The following C6orf163 variants were observed in gnomAD, a reference collection of about 807,000 sequenced individuals.
The protein encoded by C6orf163 is chromosome 6 open reading frame 163, also known as uncharacterized protein C6orf163.
A neutral mutation model predicts 28.4 loss-of-function variants in C6orf163; 22 were observed. The ratio of observed to expected loss-of-function variants is 0.78; its 90% CI spans 0.55 to 1.11. C6orf163 has a LOEUF of 1.11. Ranked by LOEUF, C6orf163 falls within the 50% of genes least tolerant of loss-of-function variation. C6orf163 has a pLI of 0.00. For missense variants in C6orf163, 342 were observed against 389.1 expected (o/e 0.88, Z 1.02); for synonymous variants, 110 against 123.6 (o/e 0.89, Z 0.73).
chr6:87,351,543 G>A (rs545537015), intron 3 of C6orf163, among the ~76,000 whole-genome samples: 1 of 152,348 alleles, frequency 6.6e-6, no homozygotes, highest in South Asian at 2.1e-4. Flanking sequence ...CTCAGCCAGG[G>A]TTGGTATGGT....
At position 87,364,423 on chromosome 6, in the gene C6orf163, T is replaced by C. The variant is rs915872640; in HGVS notation, c.555-538T>C. ...TGTTAATGTCAATGCCTATAACTCA[T>C]ATAAACAAAAGCTCTTTGGCTTCCT... On this transcript the variant is annotated intron_variant, in intron 4 of 4. Coordinates refer to ENST00000388923, the MANE Select transcript of C6orf163 (RefSeq NM_001010868.3). Among the ~76,000 whole-genome samples, 5 of 152,208 alleles carry C rather than the reference T, an allele frequency of 3.3e-5. No individual in the cohort carries two copies. In the East Asian group the frequency reaches 9.6e-4, roughly 29 times the overall value.
chr6:87,355,606 C>G (rs1289896815), intron 3 of C6orf163, among the ~76,000 whole-genome samples: 1 of 152,088 alleles, frequency 6.6e-6, no homozygotes, highest in Non-Finnish European at 1.5e-5. Context: ...AATACCTGGA[C>G]AGAATGAATT....
At chr6:87,348,626 C>T in intron 1 of C6orf163, 186 bp from the exon 2 acceptor site, 1 of 1,369,028 alleles carries the variant, frequency 7.3e-7, no homozygotes, top group East Asian at 2.8e-5. Flanking sequence ...CCTGACAGTG[C>T]TGTGAATTCC....
intron 2 of C6orf163, among the ~76,000 whole-genome samples, chr6:87,350,080 A>G (rs541486021): frequency 6.6e-5 from 10 of 152,330 alleles, no homozygotes; most frequent in East Asian, 1.9e-4. Context: ...TTGAGAGTCA[A>G]TCAAGCAAGA....
In C6orf163 at chr6:87,364,835, G is replaced by T. The variant is rs566258697; in HGVS notation, c.555-126G>T. 7.2e-4 allele frequency: 495 copies of T among 692,138 alleles called. 1 individual carries two copies. The highest frequency in any genetic ancestry group is 1.1e-3 in the Non-Finnish European group (460 of 418,458). 42.9% of individuals were successfully genotyped at this position (692,138 alleles called of 1,614,324 possible). A position where few individuals can be genotyped will look rare whatever the true frequency, so the allele number is the denominator to read the frequency against. On this transcript the variant is annotated intron_variant, in intron 4 of 4. Coordinates refer to ENST00000388923, the MANE Select transcript of C6orf163 (RefSeq NM_001010868.3). ...GCTAATGCAATCCAAAAGCTCATCCGTATCAGCCTGTCTCAGGCTGGTGGC... is the reference window on the plus strand; with the variant it reads ...GCTAATGCAATCCAAAAGCTCATCCTTATCAGCCTGTCTCAGGCTGGTGGC...
chr6:87,358,357 CAGCA>C (rs1777536315), intron 4 of C6orf163: 1 of 151,900 alleles, frequency 6.6e-6, no homozygotes, highest in Non-Finnish European at 1.5e-5. Context: ...CCTGTAATCC[CAGCA>C]TTTTGGGAGG....
intron 3 of C6orf163, among the ~76,000 whole-genome samples, chr6:87,353,224 C>T (rs1777444493): frequency 6.6e-6 from 1 of 152,120 alleles, no homozygotes; most frequent in African/African-American, 2.4e-5. Flanking sequence ...ACCTACTTCA[C>T]AACCCAGCCA....
chr6:87,361,451 A>G (rs959595170), intron 4 of C6orf163, among the ~76,000 whole-genome samples: 1 of 152,110 alleles, frequency 6.6e-6, no homozygotes, highest in Non-Finnish European at 1.5e-5. Context: ...GCCTGACTCA[A>G]TTCTGGTAGA....
At chr6:87,350,251 A>C in intron 2 of C6orf163, 143 bp from the exon 3 acceptor site, 1 of 618,524 alleles carries the variant, frequency 1.6e-6, no homozygotes, top group East Asian at 2.9e-5. Context: ...TGAGATGGGA[A>C]TGGGGCAAGA....
At chr6:87,348,159 AAAAAG>A (rs1777356469) in intron 1 of C6orf163, 10 of 979,804 alleles carry the variant, frequency 1.0e-5, no homozygotes, top group Non-Finnish European at 1.1e-5. Flanking sequence ...CCTCTCAAAA[AAAAAG>A]AGAAATCCCA....
chr6:87,348,690 A>G (rs868073909), intron 1 of C6orf163, 122 bp from the exon 2 acceptor site: 2 of 1,439,746 alleles, frequency 1.4e-6, no homozygotes, highest in African/African-American at 2.9e-5. Context: ...AAATATATAT[A>G]CTGGCATCTC....
Position 87,356,308 on chromosome 6 carries a change from C to G in C6orf163, c.359C>G (p.Thr120Arg). The G allele has an allele frequency of 6.4e-7, 1 of 1,551,556 alleles. No individual in the cohort carries two copies. Among genetic ancestry groups the G allele is most frequent in the Non-Finnish European group, 8.7e-7 (1 of 1,146,926 alleles). ...GTTTTGCCATTGCTTCAGGAAGTGA[C>G]AGCTAAAACTAAGACAGAGATGTAT... is the stretch of plus-strand genomic sequence containing the variant. ...EEHQKDLQEV[T>R]AKTKTEMYQN... The change falls in exon 4 of 5, where the codon ACA becomes AGA. Residue 120 changes from threonine to arginine, a missense_variant. Physicochemically the swap from Thr to Arg is moderately conservative, Grantham distance 71. Transcript: ENST00000388923.
chr6:87,362,408 C>T lies in C6orf163; in HGVS notation c.555-2553C>T, dbSNP rs900402072. On this transcript the variant is annotated intron_variant, in intron 4 of 4. Coordinates refer to ENST00000388923, the MANE Select transcript of C6orf163 (RefSeq NM_001010868.3). ...AGAAGGATCACTTGAACCTGGGAGGCGGAGGTTGCAGTGAGCCAAGATGGT... is the reference window on the plus strand; with the variant it reads ...AGAAGGATCACTTGAACCTGGGAGGTGGAGGTTGCAGTGAGCCAAGATGGT... 5.3e-5 allele frequency among the ~76,000 whole-genome samples: 8 copies of T among 152,074 alleles called. No homozygotes were observed. The East Asian group carries it at 7.7e-4, about 15-fold the overall frequency.
At chr6:87,350,544 AT>A (rs1354773657) in intron 3 of C6orf163, 43 bp downstream of exon 3, 1 of 1,157,050 alleles carries the variant, frequency 8.6e-7, no homozygotes, top group Non-Finnish European at 1.2e-6. Context: ...AAGTAATTAC[AT>A]TAGTAAAAAG....
chr6:87,351,977 A>G (rs774827107), intron 3 of C6orf163, among the ~76,000 whole-genome samples: 2 of 152,218 alleles, frequency 1.3e-5, no homozygotes, highest in Non-Finnish European at 2.9e-5. Flanking sequence ...TTCAAGGTTC[A>G]CATGCTAGTC....
Position 87,365,064 on chromosome 6 carries a change from C to G in C6orf163, c.658C>G (p.Leu220Val). 6.4e-7 allele frequency: 1 copy of G among 1,551,792 alleles called. No individual in the cohort carries two copies. Among genetic ancestry groups the G allele is most frequent in the East Asian group, 2.4e-5 (1 of 40,912 alleles). ...GGAAAAAGAACATGAAATGAGCATC[C>G]TCTATGGCATAGCTCAGAGGCAGAG... ...MREKEHEMSI[L>V]YGIAQRQRQE... Residue 220 changes from leucine (L) to valine (V), a missense_variant, in exon 5 of 5, where the codon CTC (leucine) becomes GTC (valine). Transcript: ENST00000388923.
chr6:87,345,059 T>G lies in C6orf163; in HGVS notation c.-41T>G, dbSNP rs1777302344. ...AAACGACTTTTTCTGATTCTAAGAT[T>G]ATTTTAACTGTAAGTAGGAGAAGAC... On this transcript the variant is annotated 5_prime_UTR_variant, in exon 1 of 5. In the 5' UTR this introduces an upstream ATG that the reference lacks. Transcript: ENST00000388923. The G allele has an allele frequency of 2.7e-6, 4 of 1,455,368 alleles. No individual in the cohort carries two copies. Among genetic ancestry groups the G allele is most frequent in the Non-Finnish European group, 3.6e-6 (4 of 1,099,210 alleles). The allele number at this position is 1,455,368 out of a possible 1,614,324, so 90.2% of individuals were successfully genotyped here.
At chr6:87,348,931 A>C in intron 2 of C6orf163, 25 bp downstream of exon 2, 2 of 1,535,954 alleles carry the variant, frequency 1.3e-6, no homozygotes, top group Non-Finnish European at 1.7e-6. Flanking sequence ...ATGTCAACCT[A>C]AAGTCCATCT....
chr6:87,346,039 TTACTGTAC>T, intron 1 of C6orf163, among the ~76,000 whole-genome samples: 1 of 122,272 alleles, frequency 8.2e-6, no homozygotes, highest in Non-Finnish European at 1.9e-5. Context: ...ATGAGGACGT[TTACTGTAC>T]ATACGTATGT....
Sources: gnomAD v4.1 joint callset for allele counts (sites outside exome capture counted in the v4.1 genomes callset) on GRCh38, gnomAD v4.1.1 for gene constraint, MANE v1.5 for transcripts, NCBI Gene and HGNC (gene_info 2026-07-23, HGNC 2026-07-21) for gene names.